ITGA8: variants seen among roughly 807,000 people sequenced by gnomAD.
ITGA8 encodes the protein integrin alpha-8.
Under a neutral mutation model 142.3 loss-of-function variants are expected in ITGA8, and 91 were observed. The observed-to-expected ratio is 0.64, with a 90% CI of 0.54 to 0.76. The LOEUF is 0.76. Among genes scored for constraint, ITGA8 ranks in the 30% least tolerant of loss-of-function variants. The pLI, the probability that ITGA8 is intolerant of heterozygous loss-of-function variation, is 0.00. For missense variants in ITGA8, 1,406 were observed against 1,327.7 expected (o/e 1.06, Z -0.92); for synonymous variants, 505 against 485.2 (o/e 1.04, Z -0.54).
intron 8 of ITGA8, among the ~76,000 whole-genome samples, chr10:15,664,088 T>C (rs918640355): frequency 2.0e-5 from 3 of 152,206 alleles, no homozygotes; most frequent in Admixed American, 1.3e-4. Context: ...CAGAGTTAAC[T>C]CACTGAATTC....
At chr10:15,616,417 C>T (rs1236836898) in intron 14 of ITGA8, 97 bp downstream of exon 14, 3 of 929,678 alleles carry the variant, frequency 3.2e-6, no homozygotes, top group Non-Finnish European at 5.2e-6. Context: ...AAATATTCCC[C>T]AGAATAAATC....
At chr10:15,661,608 T>G (rs1834288728) in intron 8 of ITGA8, among the ~76,000 whole-genome samples, 2 of 152,188 alleles carry the variant, frequency 1.3e-5, no homozygotes, top group Admixed American at 6.5e-5. Context: ...TGCGTGTGAT[T>G]TATAAATTAG....
Position 15,701,771 on chromosome 10 carries a change from A to G in ITGA8, c.344-13733T>C, listed in dbSNP as rs187028704. Among the ~76,000 whole-genome samples the G allele has an allele frequency of 2.0e-5, 3 of 152,322 alleles. No individual in the cohort carries two copies. The East Asian group carries it at 5.8e-4, about 29-fold the overall frequency. On this transcript the variant is annotated intron_variant, in intron 2 of 29. Transcript: ENST00000378076. Reference sequence around the variant, plus strand: ...GGTTTCCCTACAACCTTCAGTCATCACTTTAAGTTTGTCTCCTTGGAGATT... The same window carrying G: ...GGTTTCCCTACAACCTTCAGTCATCGCTTTAAGTTTGTCTCCTTGGAGATT...
chr10:15,641,165 T>A (rs1220422071), intron 13 of ITGA8, among the ~76,000 whole-genome samples: 1 of 152,160 alleles, frequency 6.6e-6, no homozygotes, highest in Non-Finnish European at 1.5e-5. Context: ...GCAGTTCTCC[T>A]GCCTCAGCTG....
rs1258173452 is a variant in ITGA8, at chr10:15,647,176, A to G, written c.1002-125T>C. The stretch of plus-strand genomic sequence containing the variant: ...TTCCTTTTCTGAGGGTTATTTTACA[A>G]TCATCAGATTGCTTTCGCTGCTTTG... On this transcript the variant is annotated intron_variant, in intron 11 of 29. Coordinates refer to ENST00000378076, the MANE Select transcript of ITGA8 (RefSeq NM_003638.3). The G allele has an allele frequency of 1.1e-5, 8 of 696,550 alleles. No individual in the cohort carries two copies. In the African/African-American group the frequency reaches 1.4e-4, roughly 12 times the overall value. The allele number at this position is 696,550 out of a possible 1,614,324, so 43.1% of individuals were successfully genotyped here. A position where few individuals can be genotyped will look rare whatever the true frequency, so the allele number is the denominator to read the frequency against.
At chr10:15,682,383 C>A (rs1026340521) in intron 4 of ITGA8, among the ~76,000 whole-genome samples, 3 of 152,064 alleles carry the variant, frequency 2.0e-5, no homozygotes, top group African/African-American at 7.2e-5. Flanking sequence ...ATAATTGAGT[C>A]CCATGAACTA....
intron 13 of ITGA8, among the ~76,000 whole-genome samples, chr10:15,638,219 T>A (rs1358213671): frequency 1.3e-5 from 2 of 152,228 alleles, no homozygotes; most frequent in African/African-American, 4.8e-5. Flanking sequence ...CTCTTATATG[T>A]CTGTGTTTTC....
At chr10:15,659,418 G>T (rs933149243) in intron 9 of ITGA8, among the ~76,000 whole-genome samples, 1 of 152,172 alleles carries the variant, frequency 6.6e-6, no homozygotes, top group Admixed American at 6.5e-5. Context: ...GATCATTATG[G>T]TTCTTTGCAA....
At chr10:15,701,390 C>T (rs1238358676) in intron 2 of ITGA8, among the ~76,000 whole-genome samples, 3 of 152,116 alleles carry the variant, frequency 2.0e-5, no homozygotes, top group South Asian at 4.1e-4. Flanking sequence ...TAAGTCAACC[C>T]GGGAACTTTA....
At chr10:15,672,939 AC>A (rs1834555587) in intron 6 of ITGA8, among the ~76,000 whole-genome samples, 190 bp from the exon 7 acceptor site, 1 of 152,156 alleles carries the variant, frequency 6.6e-6, no homozygotes, top group African/African-American at 2.4e-5. Flanking sequence ...CTGACAGAAG[AC>A]CTGAGATGAA....
chr10:15,694,784 G>A (rs986651700), intron 2 of ITGA8, among the ~76,000 whole-genome samples: 1 of 145,328 alleles, frequency 6.9e-6, no homozygotes, highest in Non-Finnish European at 1.5e-5. Flanking sequence ...AGACACAAAA[G>A]TATAATATGT....
At chr10:15,651,671 T>C (rs552809584) in intron 11 of ITGA8, among the ~76,000 whole-genome samples, 1 of 152,192 alleles carries the variant, frequency 6.6e-6, no homozygotes, top group African/African-American at 2.4e-5. Flanking sequence ...TATCTCCAGC[T>C]TGGGGAAAGG....
intron 22 of ITGA8, among the ~76,000 whole-genome samples, chr10:15,591,405 ATATATTATATTATATTATATTATAT>A (rs3041564): frequency 7.0e-6 from 1 of 143,760 alleles, no homozygotes; most frequent in East Asian, 2.0e-4. Flanking sequence ...CTGTATTAAT[ATATATTATATTATATTATATTATAT>A]TATATTATAT....
At chr10:15,592,439 G>C in intron 21 of ITGA8, 135 bp from the exon 22 acceptor site, 2 of 663,756 alleles carry the variant, frequency 3.0e-6, no homozygotes, top group Non-Finnish European at 5.1e-6. Flanking sequence ...AGGTGGCTGA[G>C]AGCCAAGAGA....
chr10:15,584,882 C>A (rs186132323), intron 23 of ITGA8, among the ~76,000 whole-genome samples: 1,814 of 152,128 alleles, frequency 0.012, 34 homozygotes, highest in Middle Eastern at 0.068. Context: ...CATGGTGAAA[C>A]CCTGTCTCTA....
intron 27 of ITGA8, among the ~76,000 whole-genome samples, chr10:15,544,401 C>A (rs143710434): frequency 6.6e-6 from 1 of 152,180 alleles, no homozygotes; most frequent in Admixed American, 6.5e-5. Flanking sequence ...CTCAGAGCCT[C>A]CAGGAGGAAC....
At chr10:15,675,572 A>G (rs1834612212) in intron 6 of ITGA8, among the ~76,000 whole-genome samples, 1 of 152,218 alleles carries the variant, frequency 6.6e-6, no homozygotes. Context: ...ATATCCTTGT[A>G]ACAACCTTGT....
At chr10:15,605,665 T>C (rs1833181060) in intron 19 of ITGA8, 59 bp downstream of exon 19, 2 of 1,378,814 alleles carry the variant, frequency 1.5e-6, no homozygotes, top group Non-Finnish European at 2.1e-6. Context: ...AGAGAACCTT[T>C]ACATAAATAC....
chr10:15,634,745 C>T (rs570145752), intron 13 of ITGA8, among the ~76,000 whole-genome samples: 1 of 152,088 alleles, frequency 6.6e-6, no homozygotes, highest in Non-Finnish European at 1.5e-5. Context: ...ACATGGGATC[C>T]CAGATTGAAT....
Sources: allele counts gnomAD v4.1 joint callset (sites outside exome capture counted in the v4.1 genomes callset), GRCh38; gene constraint gnomAD v4.1.1; transcripts MANE v1.5; gene names NCBI Gene and HGNC (gene_info 2026-07-23, HGNC 2026-07-21).